Variants in ARHGEF26 observed in about 807,000 individuals in gnomAD.
The protein encoded by ARHGEF26 is Rho guanine nucleotide exchange factor 26, also known as Rho guanine nucleotide exchange factor (GEF) 26.
A neutral mutation model predicts 89.4 loss-of-function variants in ARHGEF26; 59 were observed. That is an observed-to-expected ratio of 0.66 (90% CI 0.54 to 0.82). The LOEUF (loss-of-function observed/expected upper bound fraction) is 0.82, where lower values mean the gene tolerates loss of function less well. Among genes scored for constraint, ARHGEF26 ranks in the 40% least tolerant of loss-of-function variants. The pLI is 0.00. For synonymous variants in ARHGEF26, 500 were observed against 428.4 expected, an observed-to-expected ratio of 1.17 and a Z score of -2.06; for missense variants, 1,234 against 1,085.6, an observed-to-expected ratio of 1.14 and a Z score of -1.92.
chr3:154,201,700 C>G (rs1714651969), intron 9 of ARHGEF26, among the ~76,000 whole-genome samples: 1 of 151,922 alleles, frequency 6.6e-6, no homozygotes, highest in African/African-American at 2.4e-5. Context: ...GCCATTCTAA[C>G]TGGTGTGAGA....
intron 6 of ARHGEF26, among the ~76,000 whole-genome samples, chr3:154,164,818 G>A (rs1206726480): frequency 6.6e-6 from 1 of 152,094 alleles, no homozygotes; most frequent in Non-Finnish European, 1.5e-5. Flanking sequence ...GTACATTTGT[G>A]AATGTTTTTA....
intron 12 of ARHGEF26, among the ~76,000 whole-genome samples, chr3:154,249,877 A>T (rs1367499253): frequency 6.6e-6 from 1 of 152,170 alleles, no homozygotes; most frequent in African/African-American, 2.4e-5. Context: ...GAGAAAATAG[A>T]TGTCTGTGAG....
At chr3:154,202,846 T>G (rs1347779938) in intron 9 of ARHGEF26, among the ~76,000 whole-genome samples, 1 of 151,474 alleles carries the variant, frequency 6.6e-6, no homozygotes, top group African/African-American at 2.4e-5. Flanking sequence ...GCACATTGAT[T>G]TTGTATCCTG....
intron 6 of ARHGEF26, among the ~76,000 whole-genome samples, chr3:154,159,921 C>A (rs1254237852): frequency 2.0e-5 from 3 of 152,038 alleles, no homozygotes; most frequent in African/African-American, 7.2e-5. Flanking sequence ...AATTTTTGCC[C>A]TGAAGTAATG....
At chr3:154,218,393 A>C (rs537063598) in intron 10 of ARHGEF26, among the ~76,000 whole-genome samples, 1 of 152,228 alleles carries the variant, frequency 6.6e-6, no homozygotes, top group East Asian at 1.9e-4. Flanking sequence ...TTAATGGATA[A>C]TTTTTTTCAA....
At chr3:154,242,559 G>A (rs1717535647) in intron 12 of ARHGEF26, among the ~76,000 whole-genome samples, 1 of 152,208 alleles carries the variant, frequency 6.6e-6, no homozygotes, top group African/African-American at 2.4e-5. Context: ...AAGTTGCTGT[G>A]AGCATTGTGG....
At chr3:154,133,203 T>C (rs1002794309) in intron 4 of ARHGEF26, among the ~76,000 whole-genome samples, 20 of 152,266 alleles carry the variant, frequency 1.3e-4, no homozygotes, top group African/African-American at 4.1e-4. Flanking sequence ...CTGTAATTTG[T>C]CTGGGCGTGT....
chr3:154,191,156 A>G, intron 7 of ARHGEF26, 133 bp from the exon 8 acceptor site: 2 of 961,164 alleles, frequency 2.1e-6, no homozygotes, highest in Non-Finnish European at 3.0e-6. Context: ...TTATGTGCTT[A>G]TGATATTTTC....
chr3:154,220,013 C>T (rs1441240884), intron 10 of ARHGEF26, among the ~76,000 whole-genome samples: 3 of 152,068 alleles, frequency 2.0e-5, no homozygotes, highest in Non-Finnish European at 2.9e-5. Context: ...AAAATATTTG[C>T]GAGCATAAAG....
At chr3:154,153,782 T>C (rs944858919) in intron 6 of ARHGEF26, among the ~76,000 whole-genome samples, 1 of 151,938 alleles carries the variant, frequency 6.6e-6, no homozygotes, top group Non-Finnish European at 1.5e-5. Flanking sequence ...AATACATGTA[T>C]ATATATATTT....
intron 4 of ARHGEF26, among the ~76,000 whole-genome samples, chr3:154,138,796 GCCCCACA>G (rs1719179547): frequency 2.0e-5 from 3 of 152,348 alleles, no homozygotes; most frequent in Non-Finnish European, 4.4e-5. Context: ...TCAAGGGCCT[GCCCCACA>G]TGAAGTTCTG....
intron 3 of ARHGEF26, among the ~76,000 whole-genome samples, chr3:154,128,223 C>T (rs1216124876): frequency 6.6e-6 from 1 of 152,132 alleles, no homozygotes; most frequent in Non-Finnish European, 1.5e-5. Context: ...ATGATCAGCC[C>T]TCTGGTCACC....
In ARHGEF26 at chr3:154,124,422, A is replaced by G; in HGVS notation, c.1096A>G (p.Lys366Glu). Residue 366 changes from lysine to glutamate, a missense_variant, in exon 3 of 15, where the codon AAA becomes GAA. Transcript: ENST00000465093. ...TTTTGTCTCTTAGAAAAAAATGCTG[A>G]AAGGACAAGGAACATTTGATGGGGA... Reference protein sequence around the residue: ...SLGRIKKKMLKGQGTFDGEEN... With the variant: ...SLGRIKKKMLEGQGTFDGEEN... The G allele has an allele frequency of 6.7e-7, 1 of 1,482,034 alleles. No homozygotes were observed. Among genetic ancestry groups the G allele is most frequent in the East Asian group, 2.6e-5 (1 of 38,222 alleles). The allele number at this position is 1,482,034 out of a possible 1,614,324, so 91.8% of individuals were successfully genotyped here. A position where few individuals can be genotyped will look rare whatever the true frequency, so the allele number is the denominator to read the frequency against.
At chr3:154,154,855 A>C (rs1221370377) in intron 6 of ARHGEF26, among the ~76,000 whole-genome samples, 3 of 151,986 alleles carry the variant, frequency 2.0e-5, no homozygotes, top group African/African-American at 7.2e-5. Context: ...GATTATTTTC[A>C]GTCTCACTGT....
chr3:154,161,266 G>T (rs972671114), intron 6 of ARHGEF26, among the ~76,000 whole-genome samples: 2 of 151,470 alleles, frequency 1.3e-5, no homozygotes, highest in African/African-American at 4.9e-5. Flanking sequence ...ATTAGGTTTT[G>T]CAGGAAACAA....
chr3:154,256,734 A>C lies in ARHGEF26; in HGVS notation c.*1261A>C. On this transcript the variant is annotated 3_prime_UTR_variant, in exon 15 of 15. Coordinates refer to ENST00000465093, the MANE Select transcript of ARHGEF26 (RefSeq NM_015595.4). ...AATTAGGCCTTAAAAGATACCAAGA[A>C]GTCAGCATGGTACCCAATTGAAACC... 1 of 1,386,500 alleles carries C rather than the reference A, an allele frequency of 7.2e-7. No homozygotes were observed. The allele number at this position is 1,386,500 out of a possible 1,614,324, so 85.9% of individuals were successfully genotyped here.
At chr3:154,240,079 A>G (rs1399597389) in intron 11 of ARHGEF26, among the ~76,000 whole-genome samples, 1 of 152,160 alleles carries the variant, frequency 6.6e-6, no homozygotes, top group African/African-American at 2.4e-5. Flanking sequence ...AGATGCATGT[A>G]AGGATGCAAG....
intron 11 of ARHGEF26, among the ~76,000 whole-genome samples, chr3:154,236,109 G>A (rs372970725): frequency 9.2e-5 from 14 of 152,040 alleles, no homozygotes; most frequent in African/African-American, 3.4e-4. Flanking sequence ...GTTATGTTGC[G>A]TATAGTAGAA....
intron 6 of ARHGEF26, among the ~76,000 whole-genome samples, chr3:154,163,650 CT>C (rs1303408998): frequency 1.3e-5 from 2 of 152,086 alleles, no homozygotes; most frequent in Non-Finnish European, 2.9e-5. Context: ...TGTCTTTGAC[CT>C]CTTAGAATAT....
Sources: allele counts gnomAD v4.1 joint callset (sites outside exome capture counted in the v4.1 genomes callset), GRCh38; gene constraint gnomAD v4.1.1; transcripts MANE v1.5; gene names NCBI Gene and HGNC (gene_info 2026-07-23, HGNC 2026-07-21).